TMPRSS2: variants seen among roughly 807,000 people sequenced by gnomAD.
TMPRSS2 encodes transmembrane protease serine 2.
TMPRSS2 carries 59 observed loss-of-function variants against 67.4 expected under a neutral mutation model. The ratio of observed to expected loss-of-function variants is 0.88; its 90% CI spans 0.71 to 1.09. TMPRSS2 has a LOEUF of 1.09. Ranked by LOEUF, TMPRSS2 falls within the 50% of genes least tolerant of loss-of-function variation. The pLI, the probability that TMPRSS2 is intolerant of heterozygous loss-of-function variation, is 0.00. For missense variants in TMPRSS2, 668 were observed against 642.7 expected, an observed-to-expected ratio of 1.04 and a Z score of -0.43; for synonymous variants, 257 against 257.0, an observed-to-expected ratio of 1.00 and a Z score of 0.00.
intron 1 of TMPRSS2, among the ~76,000 whole-genome samples, chr21:41,507,536 G>C (rs1469008279): frequency 1.3e-5 from 2 of 152,150 alleles, no homozygotes; most frequent in Non-Finnish European, 2.9e-5. Context: ...CGGCCGTATC[G>C]TTCCCGGCAT....
chr21:41,471,170 T>C (rs2091130323), intron 10 of TMPRSS2, among the ~76,000 whole-genome samples: 1 of 152,198 alleles, frequency 6.6e-6, no homozygotes, highest in South Asian at 2.1e-4. Flanking sequence ...AGACATGCTG[T>C]AGGGAGGGCT....
intron 5 of TMPRSS2, among the ~76,000 whole-genome samples, chr21:41,482,956 G>A (rs1010255654): frequency 2.0e-5 from 3 of 152,218 alleles, no homozygotes; most frequent in Non-Finnish European, 4.4e-5. Context: ...AGTGGGGAGA[G>A]AGAAACAGGT....
chr21:41,478,312 G>A lies in TMPRSS2; in HGVS notation c.683+860C>T, dbSNP rs139816990. Reference sequence around the variant, plus strand: ...CTCCCACTCAGAGGAAAGGTGGCGCGGGGTGATTAGTTCATCCTCCCCCGA... The same window carrying A: ...CTCCCACTCAGAGGAAAGGTGGCGCAGGGTGATTAGTTCATCCTCCCCCGA... On this transcript the variant is annotated intron_variant, in intron 7 of 13. Coordinates refer to ENST00000332149, the MANE Select transcript of TMPRSS2 (RefSeq NM_005656.4). This position sits in a 1 kb window ranked among gnomAD's most constrained non-coding sequence, Gnocchi z 4.0. 4.3e-3 allele frequency among the ~76,000 whole-genome samples: 657 copies of A among 152,220 alleles called. 6 individuals are homozygous for A. Among genetic ancestry groups the A allele is most frequent in the African/African-American group, 0.015 (626 of 41,538 alleles).
intron 5 of TMPRSS2, among the ~76,000 whole-genome samples, chr21:41,483,020 T>G (rs888253521): frequency 2.6e-5 from 4 of 152,200 alleles, no homozygotes; most frequent in African/African-American, 9.7e-5. Flanking sequence ...ACTATCATTG[T>G]GGCTGTACAG....
chr21:41,471,756 A>T, intron 10 of TMPRSS2, 50 bp downstream of exon 10: 1 of 1,521,786 alleles, frequency 6.6e-7, no homozygotes, highest in Non-Finnish European at 8.9e-7. Context: ...TCCAATCAAC[A>T]TCTCTTTAAG....
intron 10 of TMPRSS2, among the ~76,000 whole-genome samples, chr21:41,471,035 G>A (rs549459413): frequency 5.9e-5 from 9 of 152,360 alleles, no homozygotes; most frequent in South Asian, 4.1e-4. Flanking sequence ...AGACGGGAAA[G>A]ACACACAGGA....
rs750314517 is a variant in TMPRSS2, at chr21:41,471,985, G to A, written c.900-4C>T. The A allele has an allele frequency of 1.3e-6, 2 of 1,593,614 alleles. No homozygotes were observed. The highest frequency in any genetic ancestry group is 1.7e-6 in the Non-Finnish European group (2 of 1,166,242). On this transcript the variant is annotated splice_polypyrimidine_tract_variant and splice_region_variant and intron_variant, in intron 9 of 13. Transcript: ENST00000332149. ...ATGCCATGGATTGTTAAGAGGTCTG[G>A]GAGAGAAGAAGGACTCAGTATCTCA...
chr21:41,493,939 T>C (rs1601585992), intron 3 of TMPRSS2, among the ~76,000 whole-genome samples: 1 of 152,350 alleles, frequency 6.6e-6, no homozygotes, highest in East Asian at 1.9e-4. Flanking sequence ...AGAGAGCATC[T>C]TAAACATGAC....
intron 5 of TMPRSS2, chr21:41,486,787 A>C (rs1204571380): frequency 4.6e-5 from 7 of 152,186 alleles, no homozygotes; most frequent in Non-Finnish European, 1.0e-4. Context: ...TCACCCTCAA[A>C]AATTCATGAA....
At chr21:41,496,568 G>A (rs1216627089) in intron 2 of TMPRSS2, among the ~76,000 whole-genome samples, 1 of 152,104 alleles carries the variant, frequency 6.6e-6, no homozygotes, top group Non-Finnish European at 1.5e-5. Context: ...TCCTTCAGCT[G>A]GTGCCTATCT....
chr21:41,476,529 G>A, intron 8 of TMPRSS2, 48 bp downstream of exon 8: 1 of 1,575,880 alleles, frequency 6.3e-7, no homozygotes, highest in Non-Finnish European at 8.7e-7. Flanking sequence ...AAAGTAGAGA[G>A]CTTTTCCTAG....
intron 3 of TMPRSS2, among the ~76,000 whole-genome samples, chr21:41,492,530 C>T (rs886382727): frequency 6.6e-6 from 1 of 152,192 alleles, no homozygotes; most frequent in Non-Finnish European, 1.5e-5. Context: ...CAAAGCCAAA[C>T]ATTACACTTT....
chr21:41,473,604 G>A (rs1601564880), intron 8 of TMPRSS2, 108 bp from the exon 9 acceptor site: 1 of 1,257,260 alleles, frequency 8.0e-7, no homozygotes, highest in East Asian at 2.6e-5. Flanking sequence ...ACAGGGCAGG[G>A]GCACCACTGC....
At chr21:41,486,649 G>GAAA (rs1461091067) in intron 5 of TMPRSS2, 1 of 152,174 alleles carries the variant, frequency 6.6e-6, no homozygotes, top group Non-Finnish European at 1.5e-5. Context: ...AGCTCTTAAA[G>GAAA]AGAAACGAGC....
intron 2 of TMPRSS2, among the ~76,000 whole-genome samples, chr21:41,495,435 C>A: frequency 6.6e-6 from 1 of 151,962 alleles, no homozygotes; most frequent in East Asian, 1.9e-4. Flanking sequence ...ACCAGCCTGG[C>A]CAACATGGTG....
At chr21:41,469,676 C>T (rs2091114162) in intron 11 of TMPRSS2, among the ~76,000 whole-genome samples, 1 of 152,152 alleles carries the variant, frequency 6.6e-6, no homozygotes, top group Admixed American at 6.5e-5. Flanking sequence ...GATCCCCACC[C>T]TCAGATGTTT....
chr21:41,494,726 C>T (rs1392899573), intron 2 of TMPRSS2, 148 bp from the exon 3 acceptor site: 5 of 805,772 alleles, frequency 6.2e-6, no homozygotes, highest in Non-Finnish European at 1.1e-5. Flanking sequence ...TGCATCCTGT[C>T]TATACAACTT....
At chr21:41,475,858 C>T (rs2091208336) in intron 8 of TMPRSS2, among the ~76,000 whole-genome samples, 1 of 151,800 alleles carries the variant, frequency 6.6e-6, no homozygotes, top group African/African-American at 2.4e-5. Flanking sequence ...ACCCTTGGGG[C>T]TGTGCTGGAC....
intron 1 of TMPRSS2, among the ~76,000 whole-genome samples, chr21:41,502,728 G>C (rs2091432548): frequency 6.6e-6 from 1 of 152,182 alleles, no homozygotes; most frequent in South Asian, 2.1e-4. Context: ...CATACACAAT[G>C]ATTGGCACAA....
Sources: allele counts gnomAD v4.1 joint callset (sites outside exome capture counted in the v4.1 genomes callset), GRCh38; gene constraint gnomAD v4.1.1; non-coding constraint Gnocchi (gnomAD v3.1); transcripts MANE v1.5; gene names NCBI Gene and HGNC (gene_info 2026-07-23, HGNC 2026-07-21).